DGCR2: variants seen among roughly 807,000 people sequenced by gnomAD.
DGCR2 encodes the protein integral membrane protein DGCR2/IDD.
A neutral mutation model predicts 51.6 loss-of-function variants in DGCR2; 24 were observed. The observed-to-expected ratio is 0.47, with a 90% CI of 0.34 to 0.65. DGCR2 has a LOEUF of 0.65. Among genes scored for constraint, DGCR2 ranks in the 30% least tolerant of loss-of-function variants. The probability of loss-of-function intolerance (pLI) is 0.01; values close to 1 mark genes in which losing one functional copy is unlikely to be tolerated. For missense variants in DGCR2, 765 were observed against 772.1 expected (o/e 0.99, Z 0.11); for synonymous variants, 340 against 315.4 (o/e 1.08, Z -0.82).
Position 19,041,024 on chromosome 22 carries a change from A to G in DGCR2, c.1396+34T>C, listed in dbSNP as rs570743592. The G allele has an allele frequency of 7.8e-5, 120 of 1,539,872 alleles. 1 individual carries two copies. In the East Asian group the frequency reaches 2.5e-3, roughly 33 times the overall value. On this transcript the variant is annotated intron_variant, in intron 9 of 9. Transcript: ENST00000263196. ...TCAGCCCCACGTGCCAGGTTACTTG[A>G]CAAGGTGTTCCCTCTCCCTGGGGAG...
chr22:19,085,481 C>G (rs1459713770), intron 2 of DGCR2, among the ~76,000 whole-genome samples: 1 of 152,214 alleles, frequency 6.6e-6, no homozygotes, highest in Non-Finnish European at 1.5e-5. Context: ...GTTCCACCTC[C>G]CTTCCACTTG....
In DGCR2 at chr22:19,041,793, C is replaced by T. The variant is rs368876721; in HGVS notation, c.1159+14G>A. On this transcript the variant is annotated intron_variant, in intron 8 of 9. Coordinates refer to ENST00000263196, the MANE Select transcript of DGCR2 (RefSeq NM_005137.3). ...GGATGGGGACCAGGGTTGTGGCCCTCAGAGGGCACTTACAGTTTGCTCCAA... is the reference window on the plus strand; with the variant it reads ...GGATGGGGACCAGGGTTGTGGCCCTTAGAGGGCACTTACAGTTTGCTCCAA... The T allele has an allele frequency of 8.7e-5, 140 of 1,609,514 alleles. No individual in the cohort carries two copies. Among genetic ancestry groups the T allele is most frequent in the Non-Finnish European group, 1.1e-4 (124 of 1,178,570 alleles).
intron 7 of DGCR2, chr22:19,048,140 A>C: frequency 2.2e-6 from 1 of 461,694 alleles, no homozygotes; most frequent in Non-Finnish European, 4.0e-6. Flanking sequence ...TTTGAAGACA[A>C]GTTTGAAGCT....
chr22:19,046,546 AATG>A (rs1316958772), intron 7 of DGCR2: 1 of 163,610 alleles, frequency 6.1e-6, no homozygotes, highest in Admixed American at 6.1e-5. Context: ...CCTCAAGCAC[AATG>A]ATGACAGGGT....
intron 6 of DGCR2, chr22:19,056,548 C>T: frequency 2.9e-6 from 1 of 350,070 alleles, no homozygotes; most frequent in South Asian, 4.0e-5. Flanking sequence ...AGTTAGCTGG[C>T]TTTAATAAAA....
intron 1 of DGCR2, among the ~76,000 whole-genome samples, chr22:19,108,228 T>C (rs1272217208): frequency 1.3e-5 from 2 of 151,958 alleles, no homozygotes; most frequent in African/African-American, 2.4e-5. Context: ...AAATGATAAA[T>C]CAGACTTCTT....
At chr22:19,073,779 G>T (rs558792153) in intron 2 of DGCR2, among the ~76,000 whole-genome samples, 1 of 152,326 alleles carries the variant, frequency 6.6e-6, no homozygotes, top group East Asian at 1.9e-4. Context: ...ACAAACCTTT[G>T]TCTCCTATGT....
chr22:19,071,940 C>G (rs771583518), intron 2 of DGCR2, among the ~76,000 whole-genome samples: 4 of 152,058 alleles, frequency 2.6e-5, no homozygotes, highest in Non-Finnish European at 4.4e-5. Context: ...AAAGGTGCGG[C>G]AGGACACTAT....
chr22:19,112,867 T>A (rs2525075), intron 1 of DGCR2, among the ~76,000 whole-genome samples: 24,079 of 143,552 alleles, frequency 0.17, 5,706 homozygotes, highest in African/African-American at 0.39. Context: ...TAAAAAAAAT[T>A]AAATTAAATT....
intron 1 of DGCR2, among the ~76,000 whole-genome samples, chr22:19,101,577 C>T (rs910582911): frequency 2.0e-5 from 3 of 151,816 alleles, no homozygotes; most frequent in African/African-American, 7.3e-5. Context: ...CCCGTCTCTA[C>T]CAAAAGTACA....
intron 6 of DGCR2, chr22:19,055,874 T>G (rs1452405603): frequency 6.4e-6 from 1 of 156,012 alleles, no homozygotes; most frequent in African/African-American, 2.4e-5. Context: ...CCCACAGCAC[T>G]GAGCCTGAGA....
At chr22:19,109,603 T>C (rs1377084074) in intron 1 of DGCR2, among the ~76,000 whole-genome samples, 1 of 152,194 alleles carries the variant, frequency 6.6e-6, no homozygotes, top group Non-Finnish European at 1.5e-5. Flanking sequence ...AGGACGGTGG[T>C]TGCCAGGCTG....
chr22:19,068,547 C>T (rs1206627153), intron 2 of DGCR2, among the ~76,000 whole-genome samples: 2 of 152,252 alleles, frequency 1.3e-5, no homozygotes. Flanking sequence ...AATCCCTCAG[C>T]AGTTCCAGCC....
chr22:19,065,193 A>G (rs1457743996), intron 3 of DGCR2, 126 bp from the exon 4 acceptor site: 11 of 779,146 alleles, frequency 1.4e-5, no homozygotes, highest in Non-Finnish European at 2.1e-5. Context: ...ACTGAGGCTC[A>G]AGAGGACAAG....
intron 2 of DGCR2, among the ~76,000 whole-genome samples, chr22:19,069,756 T>G (rs1162605445): frequency 6.6e-6 from 1 of 152,214 alleles, no homozygotes; most frequent in Admixed American, 6.5e-5. Context: ...AAACACCTTG[T>G]ACACAAGTGC....
At chr22:19,119,230 C>T (rs2083405358) in intron 1 of DGCR2, among the ~76,000 whole-genome samples, 1 of 152,158 alleles carries the variant, frequency 6.6e-6, no homozygotes. Flanking sequence ...GCACAGACCC[C>T]AGTCACGGGT....
At chr22:19,055,004 T>C (rs1463025217) in intron 6 of DGCR2, among the ~76,000 whole-genome samples, 1 of 152,066 alleles carries the variant, frequency 6.6e-6, no homozygotes, top group Non-Finnish European at 1.5e-5. Flanking sequence ...TAATCCCAGC[T>C]ACTCAGGAGG....
intron 1 of DGCR2, among the ~76,000 whole-genome samples, chr22:19,116,475 C>T (rs1601317902): frequency 6.6e-6 from 1 of 152,202 alleles, no homozygotes; most frequent in South Asian, 2.1e-4. Flanking sequence ...AATAACCATA[C>T]CCAAGCCCAT....
At chr22:19,082,051 TGG>T (rs201449266) in intron 2 of DGCR2, among the ~76,000 whole-genome samples, 5 of 142,908 alleles carry the variant, frequency 3.5e-5, no homozygotes, top group Admixed American at 7.1e-5. Flanking sequence ...TGGTGTTTTT[TGG>T]GGTTTTTTTT....
Sources: allele counts gnomAD v4.1 joint callset (sites outside exome capture counted in the v4.1 genomes callset), GRCh38; gene constraint gnomAD v4.1.1; transcripts MANE v1.5; gene names NCBI Gene and HGNC (gene_info 2026-07-23, HGNC 2026-07-21).